Variants in TENM3 observed in about 807,000 individuals in gnomAD.
The protein encoded by TENM3 is teneurin-3.
Under a neutral mutation model 255.1 loss-of-function variants are expected in TENM3, and 63 were observed. The ratio of observed to expected loss-of-function variants is 0.25; its 90% CI spans 0.20 to 0.30. The LOEUF (loss-of-function observed/expected upper bound fraction) is 0.30. Among genes scored for constraint, TENM3 ranks in the 10% least tolerant of loss-of-function variants. The probability of loss-of-function intolerance (pLI) is 1.00; values close to 1 mark genes in which losing one functional copy is unlikely to be tolerated. For missense variants in TENM3, 2,929 were observed against 3,461.1 expected, an observed-to-expected ratio of 0.85 and a Z score of 3.86; for synonymous variants, 1,306 against 1,322.3, an observed-to-expected ratio of 0.99 and a Z score of 0.27.
intron 24 of TENM3, among the ~76,000 whole-genome samples, chr4:182,784,542 C>A (rs867693346): frequency 4.6e-5 from 7 of 151,828 alleles, no homozygotes; most frequent in African/African-American, 1.5e-4. Context: ...GTGGAGCCTA[C>A]AGAGGCAGGC....
At chr4:182,120,987 AT>A in the TENM3 span, among the ~76,000 whole-genome samples, 2 of 151,928 alleles carry the variant, frequency 1.3e-5, no homozygotes, top group South Asian at 4.2e-4. Flanking sequence ...TCTGACTTCC[AT>A]TTTGTTTTTA....
chr4:181,811,640 C>T, the TENM3 span, among the ~76,000 whole-genome samples: 23 of 152,324 alleles, frequency 1.5e-4, no homozygotes, highest in African/African-American at 5.5e-4. Flanking sequence ...AAAGCATGAG[C>T]AAAAGGGCGT....
the TENM3 span, among the ~76,000 whole-genome samples, chr4:181,780,355 T>A: frequency 5.9e-5 from 9 of 152,322 alleles, no homozygotes; most frequent in South Asian, 2.1e-4. Context: ...GGTATCTCAT[T>A]GTGGTTTTGA....
chr4:182,416,470 T>A (rs1381908445), intron 3 of TENM3, among the ~76,000 whole-genome samples: 2 of 152,220 alleles, frequency 1.3e-5, no homozygotes, highest in Non-Finnish European at 2.9e-5. Flanking sequence ...CTTTAAAAGT[T>A]CTTTGAGTCA....
chr4:181,577,053 T>C, the TENM3 span, among the ~76,000 whole-genome samples: 1 of 121,376 alleles, frequency 8.2e-6, no homozygotes, highest in African/African-American at 3.0e-5. Context: ...TATATAATAA[T>C]AAATTATATA....
the TENM3 span, among the ~76,000 whole-genome samples, chr4:181,468,918 T>A: frequency 1.3e-5 from 2 of 152,226 alleles, no homozygotes; most frequent in African/African-American, 4.8e-5. Context: ...GACCCATTTT[T>A]CTCTCCTATG....
chr4:182,123,388 C>G, the TENM3 span, among the ~76,000 whole-genome samples: 1 of 152,192 alleles, frequency 6.6e-6, no homozygotes, highest in South Asian at 2.1e-4. Context: ...CCTCACTAAG[C>G]TTAATCATTT....
At chr4:181,587,933 G>A in the TENM3 span, among the ~76,000 whole-genome samples, 1 of 152,134 alleles carries the variant, frequency 6.6e-6, no homozygotes, top group Admixed American at 6.5e-5. Flanking sequence ...CAGTGACAGG[G>A]GTAAGGAGCA....
the TENM3 span, among the ~76,000 whole-genome samples, chr4:181,988,233 G>C: frequency 0.099 from 15,029 of 151,600 alleles, 917 homozygotes; most frequent in Middle Eastern, 0.16. Flanking sequence ...ATTTTATTTT[G>C]CCTGTATCAT....
chr4:181,473,719 C>T, the TENM3 span, among the ~76,000 whole-genome samples: 6 of 140,102 alleles, frequency 4.3e-5, no homozygotes, highest in African/African-American at 1.6e-4. Context: ...ATATATATCT[C>T]TAGCCATCTA....
intron 14 of TENM3, 113 bp from the exon 15 acceptor site, chr4:182,730,087 A>G (rs561088888): frequency 2.4e-5 from 31 of 1,302,008 alleles, no homozygotes; most frequent in African/African-American, 2.3e-4. Context: ...GTGAATAACG[A>G]TGGATTGCAT....
the TENM3 span, among the ~76,000 whole-genome samples, chr4:181,477,224 T>C: frequency 6.6e-6 from 1 of 152,136 alleles, no homozygotes; most frequent in African/African-American, 2.4e-5. Flanking sequence ...TCCTATGATC[T>C]AGTGATTTCA....
chr4:182,775,307 T>C (rs1033049416), intron 24 of TENM3, among the ~76,000 whole-genome samples, 154 bp downstream of exon 24: 3 of 152,072 alleles, frequency 2.0e-5, no homozygotes, highest in Non-Finnish European at 4.4e-5. Context: ...GGGCCTGTTC[T>C]GGCAGGTGCA....
At chr4:181,562,668 ATTC>A in the TENM3 span, among the ~76,000 whole-genome samples, 1 of 149,470 alleles carries the variant, frequency 6.7e-6, no homozygotes, top group Admixed American at 6.7e-5. Flanking sequence ...GAACAAATAG[ATTC>A]TTCTTAATTT....
the TENM3 span, among the ~76,000 whole-genome samples, chr4:181,752,314 C>T: frequency 6.6e-6 from 1 of 152,098 alleles, no homozygotes; most frequent in Non-Finnish European, 1.5e-5. Flanking sequence ...CTTTGGGAGG[C>T]CGAGGCGGGC....
the TENM3 span, among the ~76,000 whole-genome samples, chr4:181,688,684 T>A: frequency 6.6e-6 from 1 of 152,134 alleles, no homozygotes; most frequent in African/African-American, 2.4e-5. Context: ...GGAAACAATA[T>A]TTTTTCTTGA....
At chr4:182,538,726 G>T (rs770455609) in intron 3 of TENM3, among the ~76,000 whole-genome samples, 6 of 152,228 alleles carry the variant, frequency 3.9e-5, no homozygotes, top group South Asian at 2.1e-4. Context: ...GTGGGTGGGT[G>T]TTGGAAGATA....
At chr4:181,600,689 G>A in the TENM3 span, among the ~76,000 whole-genome samples, 6,886 of 151,592 alleles carry the variant, frequency 0.045, 567 homozygotes, top group African/African-American at 0.16. Context: ...TCCCAGGGCC[G>A]TGGCTGCTCC....
the TENM3 span, among the ~76,000 whole-genome samples, chr4:181,721,811 G>A: frequency 5.5e-4 from 83 of 151,930 alleles, no homozygotes; most frequent in Non-Finnish European, 9.7e-4. Flanking sequence ...ACAAGACAGC[G>A]TGTAGCCTCT....
Sources: allele counts gnomAD v4.1 joint callset (sites outside exome capture counted in the v4.1 genomes callset), GRCh38; gene constraint gnomAD v4.1.1; transcripts MANE v1.5; gene names NCBI Gene and HGNC (gene_info 2026-07-23, HGNC 2026-07-21).